The following CPLANE1 variants were observed in gnomAD, a reference collection of about 807,000 sequenced individuals.
CPLANE1 encodes ciliogenesis and planar polarity effector 1.
Under a neutral mutation model 362.5 loss-of-function variants are expected in CPLANE1, and 263 were observed. That is an observed-to-expected ratio of 0.73 (90% CI 0.66 to 0.80). CPLANE1 has a LOEUF of 0.80. CPLANE1 is among the 30% of genes least tolerant of loss of function. The pLI is 0.00. For missense variants in CPLANE1, 3,461 were observed against 3,793.4 expected, an observed-to-expected ratio of 0.91 and a Z score of 2.30; for synonymous variants, 1,212 against 1,302.6, an observed-to-expected ratio of 0.93 and a Z score of 1.50.
At chr5:37,201,909 G>T in intron 18 of CPLANE1, 101 bp from the exon 19 acceptor site, 1 of 732,676 alleles carries the variant, frequency 1.4e-6, no homozygotes, top group Non-Finnish European at 2.2e-6. Flanking sequence ...TCATTGTCAA[G>T]AATGAACACA....
chr5:37,135,570 C>T (rs1195023772), intron 46 of CPLANE1, among the ~76,000 whole-genome samples: 1 of 152,106 alleles, frequency 6.6e-6, no homozygotes, highest in Non-Finnish European at 1.5e-5. Context: ...TGCAGTGGCT[C>T]ACACCTGTAA....
chr5:37,244,868 C>CTTCA (rs1470569309), intron 4 of CPLANE1, among the ~76,000 whole-genome samples: 1 of 151,934 alleles, frequency 6.6e-6, no homozygotes, highest in Non-Finnish European at 1.5e-5. Context: ...TGCCACTATA[C>CTTCA]TTCAGCCTGA....
chr5:37,147,120 C>G (rs1282257155), intron 43 of CPLANE1, among the ~76,000 whole-genome samples: 1 of 152,016 alleles, frequency 6.6e-6, no homozygotes, highest in Non-Finnish European at 1.5e-5. Flanking sequence ...AGAAAAAATA[C>G]AAAAAATCTG....
At chr5:37,091,829 C>G in the CPLANE1 span, among the ~76,000 whole-genome samples, 1 of 152,112 alleles carries the variant, frequency 6.6e-6, no homozygotes, top group Non-Finnish European at 1.5e-5. Context: ...AGGATCCAAC[C>G]TGGTACCGGA....
rs1770002969 is a variant in CPLANE1, at chr5:37,142,305, A to G, written c.8632+5T>C. On this transcript the variant is annotated splice_donor_5th_base_variant and intron_variant, in intron 44 of 52. Coordinates refer to ENST00000651892, the MANE Select transcript of CPLANE1 (RefSeq NM_001384732.1). ...ATGTGTAAATGAAAAAGTAAAGAACAATACCAGGAGAAGTAGTATTCTGAT... is the reference window on the plus strand; with the variant it reads ...ATGTGTAAATGAAAAAGTAAAGAACGATACCAGGAGAAGTAGTATTCTGAT... The G allele has an allele frequency of 6.5e-7, 1 of 1,549,818 alleles. No homozygotes were observed. The highest frequency in any genetic ancestry group is 1.7e-4 in the Middle Eastern group (1 of 5,786).
intron 15 of CPLANE1, among the ~76,000 whole-genome samples, chr5:37,219,708 CA>C (rs1270464508): frequency 6.6e-6 from 1 of 151,504 alleles, no homozygotes; most frequent in African/African-American, 2.4e-5. Context: ...ACAAAATGTA[CA>C]ATAATGGGAA....
chr5:37,210,965 G>T (rs1792427866), intron 16 of CPLANE1: 4 of 781,782 alleles, frequency 5.1e-6, no homozygotes, highest in Non-Finnish European at 9.5e-6. Flanking sequence ...CCATAAAGAG[G>T]TTAACTATTC....
At chr5:37,186,933 A>C (rs914479981) in intron 23 of CPLANE1, among the ~76,000 whole-genome samples, 2 of 151,824 alleles carry the variant, frequency 1.3e-5, no homozygotes, top group African/African-American at 2.4e-5. Flanking sequence ...TGTTGGCGGG[A>C]GCCTGTGGTC....
chr5:37,114,100 C>T (rs530512624), intron 51 of CPLANE1, among the ~76,000 whole-genome samples: 4 of 152,162 alleles, frequency 2.6e-5, no homozygotes, highest in Admixed American at 6.5e-5. Flanking sequence ...TGTGAGCCAC[C>T]GCGCCCAGCC....
chr5:37,171,745 A>ACTCTCTCTCTCTCTCT (rs56407367), intron 32 of CPLANE1, among the ~76,000 whole-genome samples: 5 of 128,324 alleles, frequency 3.9e-5, no homozygotes, highest in East Asian at 2.4e-4. Flanking sequence ...TCTCTAGCTT[A>ACTCTCTCTCTCTCTCT]CTCTCTCTCT....
rs1757839629 is a variant in CPLANE1 at position 37,107,435 on chromosome 5, A to T, written c.*167T>A. On this transcript the variant is annotated 3_prime_UTR_variant, in exon 53 of 53. Coordinates refer to ENST00000651892, the MANE Select transcript of CPLANE1 (RefSeq NM_001384732.1). ...CCCCATAAAGGCAAAGTTACTGAGA[A>T]ATGTTTATTTTTCCTCTGGTAATGG... 7.8e-7 allele frequency: 1 copy of T among 1,282,590 alleles called. No homozygotes were observed. Among genetic ancestry groups the T allele is most frequent in the African/African-American group, 1.5e-5 (1 of 65,258 alleles). The allele number at this position is 1,282,590 out of a possible 1,614,324, so 79.5% of individuals were successfully genotyped here.
chr5:37,120,251 G>T lies in CPLANE1; in HGVS notation c.9275C>A (p.Ser3092Tyr). The part of the protein sequence containing the change: ...SKPSYIHKRK[S>Y]FGQPQGSPWP... The stretch of plus-strand genomic sequence containing the variant: ...AGGTGAGCCTTGAGGTTGCCCAAAA[G>T]ACTTCCTCTTATGGATATAACTCGG... The change falls in exon 50 of 53, where the codon TCT becomes TAT. Residue 3092 changes from serine to tyrosine, a missense_variant. This residue lies in a region of CPLANE1 where 3,380 missense variants were observed against 3,666.1 expected (regional missense o/e 0.92). Transcript: ENST00000651892. 6.2e-7 allele frequency: 1 copy of T among 1,603,892 alleles called. No homozygotes were observed. Among genetic ancestry groups the T allele is most frequent in the South Asian group, 1.1e-5 (1 of 88,122 alleles).
intron 49 of CPLANE1, 118 bp downstream of exon 49, chr5:37,121,499 A>T: frequency 1.3e-5 from 12 of 891,668 alleles, no homozygotes; most frequent in African/African-American, 6.8e-5. Flanking sequence ...TTCCTTTATC[A>T]TCATAACTCT....
chr5:37,239,580 C>CAAAAAAAAAAAAAAAAAAAAACAAAAAA (rs10591482), intron 7 of CPLANE1, 133 bp downstream of exon 7: 1 of 287,380 alleles, frequency 3.5e-6, no homozygotes, highest in Non-Finnish European at 5.4e-6. Flanking sequence ...GAGACCCTGT[C>CAAAAAAAAAAAAAAAAAAAAACAAAAAA]AAAAAAAAAA....
At position 37,108,374 on chromosome 5, in the gene CPLANE1, T is replaced by G. The variant is rs376574736; in HGVS notation, c.9498A>C (p.Arg3166Ser). 1 of 1,614,220 alleles carries G rather than the reference T, an allele frequency of 6.2e-7. No homozygotes were observed. Residue 3166 changes from arginine to serine, a missense_variant, in exon 52 of 53, where the codon AGA (arginine) becomes AGC (serine). Physicochemically the swap from Arg to Ser is moderately radical, Grantham distance 110. Coordinates refer to ENST00000651892, the MANE Select transcript of CPLANE1 (RefSeq NM_001384732.1). ...TCCAGGGACTCACCACAGTCTCCTC[T>G]CTTTCATACTCTACACACACCTGCT... Reference protein sequence around the residue: ...QTKQVCVEYEREETVVSPWTI... With the variant: ...QTKQVCVEYESEETVVSPWTI...
chr5:37,212,660 T>C (rs1792951373), intron 16 of CPLANE1, among the ~76,000 whole-genome samples: 1 of 152,228 alleles, frequency 6.6e-6, no homozygotes, highest in South Asian at 2.1e-4. Context: ...CTGTTTATAC[T>C]GAGAGCAGGG....
At chr5:37,139,482 C>A (rs971750121) in intron 44 of CPLANE1, 112 bp from the exon 45 acceptor site, 17 of 1,068,172 alleles carry the variant, frequency 1.6e-5, no homozygotes, top group Non-Finnish European at 2.1e-5. Context: ...TTTTAAACTT[C>A]CAAATTGGTT....
At chr5:37,181,859 G>A (rs906468459) in intron 26 of CPLANE1, among the ~76,000 whole-genome samples, 46 of 151,522 alleles carry the variant, frequency 3.0e-4, no homozygotes, top group East Asian at 5.9e-4. Flanking sequence ...TTGGGAGGCC[G>A]AGGCGGGCGG....
intron 44 of CPLANE1, chr5:37,140,517 TA>T: frequency 2.0e-6 from 2 of 983,746 alleles, no homozygotes; most frequent in Non-Finnish European, 2.4e-6. Flanking sequence ...AGCTTTTTAC[TA>T]GGTAGAAAAA....
Sources: gnomAD v4.1 joint callset for allele counts (sites outside exome capture counted in the v4.1 genomes callset) on GRCh38, gnomAD v4.1.1 for gene constraint, gnomAD v4.1.1 regional missense constraint, MANE v1.5 for transcripts, NCBI Gene and HGNC (gene_info 2026-07-23, HGNC 2026-07-21) for gene names.